Variants in RBMS3 observed in about 807,000 individuals in gnomAD.
The protein encoded by RBMS3 is RNA binding motif single stranded interacting protein 3.
In RBMS3, 27 loss-of-function variants were observed where a neutral mutation model predicts 66.8. The observed-to-expected ratio is 0.40, with a 90% confidence interval of 0.30 to 0.56. The LOEUF (loss-of-function observed/expected upper bound fraction) is 0.56, where lower values mean the gene tolerates loss of function less well. Ranked by LOEUF, RBMS3 falls within the 20% of genes least tolerant of loss-of-function variation. RBMS3 has a pLI of 0.40. For synonymous variants in RBMS3, 188 were observed against 183.0 expected (o/e 1.03, Z -0.22); for missense variants, 513 against 549.5 (o/e 0.93, Z 0.66).
chr3:29,767,249 G>A (rs2055969996), intron 6 of RBMS3: 1 of 151,944 alleles, frequency 6.6e-6, no homozygotes, highest in African/African-American at 2.4e-5. Flanking sequence ...TTGATGAACA[G>A]AACATGCAGG....
At chr3:29,920,002 C>T (rs964497057) in intron 10 of RBMS3, among the ~76,000 whole-genome samples, 1 of 152,086 alleles carries the variant, frequency 6.6e-6, no homozygotes, top group Non-Finnish European at 1.5e-5. Context: ...GCCAGTTGTT[C>T]CCTTATTGAT....
Position 29,500,580 on chromosome 3 carries a change from G to C in RBMS3, c.307+12081G>C, listed in dbSNP as rs1186685938. Among the ~76,000 whole-genome samples the C allele has an allele frequency of 3.3e-5, 5 of 151,984 alleles. No individual in the cohort carries two copies. The South Asian group carries it at 6.2e-4, about 19-fold the overall frequency. On this transcript the variant is annotated intron_variant, in intron 3 of 14. Coordinates refer to ENST00000383767, the MANE Select transcript of RBMS3 (RefSeq NM_001003793.3). ...TTTTACTGTACCTTTTCTATGTTTA[G>C]ATATACAAATACTTATGATTGTGTT...
chr3:29,284,831 C>T (rs1251198529), intron 1 of RBMS3, among the ~76,000 whole-genome samples: 2 of 127,798 alleles, frequency 1.6e-5, no homozygotes, highest in Non-Finnish European at 3.4e-5. Context: ...AAAAAGTTGT[C>T]ATTTGTCAAT....
intron 1 of RBMS3, among the ~76,000 whole-genome samples, chr3:29,430,435 T>G (rs1225325191): frequency 6.6e-6 from 1 of 152,234 alleles, no homozygotes; most frequent in Non-Finnish European, 1.5e-5. Flanking sequence ...CTCCTAATTA[T>G]AAATTACATA....
At chr3:29,751,060 A>T (rs1306403108) in intron 5 of RBMS3, among the ~76,000 whole-genome samples, 1 of 152,112 alleles carries the variant, frequency 6.6e-6, no homozygotes, top group Non-Finnish European at 1.5e-5. Context: ...AGAAAGCAAA[A>T]TTTTTTATTA....
chr3:29,593,700 C>T (rs1272325071), intron 4 of RBMS3, among the ~76,000 whole-genome samples: 1 of 152,188 alleles, frequency 6.6e-6, no homozygotes, highest in Non-Finnish European at 1.5e-5. Flanking sequence ...GGGCTGTAGG[C>T]TCAAACTGAA....
Position 29,747,390 on chromosome 3 carries a change from GTAGATAGATAGATAGATAGA to G in RBMS3, c.557+7555_557+7574del, listed in dbSNP as rs56736478. Among the ~76,000 whole-genome samples the G allele has an allele frequency of 9.9e-3, 1,397 of 141,262 alleles. 10 individuals carry two copies. Among genetic ancestry groups the G allele is most frequent in the Non-Finnish European group, 0.013 (881 of 65,358 alleles). The allele number at this position is 141,262 out of a possible 152,430, so 92.7% of individuals were successfully genotyped here. A position where few individuals can be genotyped will look rare whatever the true frequency, so the allele number is the denominator to read the frequency against. On this transcript the variant is annotated intron_variant, in intron 5 of 14. Coordinates refer to ENST00000383767, the MANE Select transcript of RBMS3 (RefSeq NM_001003793.3). ...TCTATCTATCTAGGTAGGTAGGTAG[GTAGATAGATAGATAGATAGA>G]TAGATAGATAGATAGATAGATAGAT...
intron 3 of RBMS3, among the ~76,000 whole-genome samples, chr3:29,576,878 A>G (rs12633199): frequency 0.063 from 9,557 of 152,204 alleles, 323 homozygotes; most frequent in South Asian, 0.14. Context: ...CTTCTGAGAA[A>G]TTGGATCTCC....
intron 4 of RBMS3, among the ~76,000 whole-genome samples, chr3:29,649,621 T>G (rs144059481): frequency 0.012 from 1,883 of 152,266 alleles, 22 homozygotes; most frequent in Middle Eastern, 0.034. Flanking sequence ...TCTAGGCAGC[T>G]GCAAAGTACC....
chr3:29,916,698 T>C (rs888509284), intron 10 of RBMS3, among the ~76,000 whole-genome samples: 1 of 149,032 alleles, frequency 6.7e-6, no homozygotes, highest in African/African-American at 2.4e-5. Context: ...CAGAAAAATA[T>C]ATGTTATAAG....
intron 3 of RBMS3, chr3:29,537,504 C>T (rs1214168921): frequency 6.6e-6 from 1 of 152,106 alleles, no homozygotes; most frequent in East Asian, 1.9e-4. Context: ...GCCATTGTCA[C>T]AGGAACCAAT....
chr3:29,947,460 G>A (rs1559828036), intron 12 of RBMS3, among the ~76,000 whole-genome samples: 2 of 151,538 alleles, frequency 1.3e-5, no homozygotes, highest in African/African-American at 2.4e-5. Context: ...AAGAGTTAAA[G>A]CAGAAATGGT....
chr3:29,324,616 C>T (rs549080786), intron 1 of RBMS3, among the ~76,000 whole-genome samples: 12 of 147,198 alleles, frequency 8.2e-5, no homozygotes, highest in South Asian at 6.2e-4. Flanking sequence ...TTATGCTCTC[C>T]CAGCATTGTA....
intron 10 of RBMS3, among the ~76,000 whole-genome samples, chr3:29,931,628 T>C (rs188497082): frequency 1.0e-3 from 88 of 87,346 alleles, no homozygotes; most frequent in Non-Finnish European, 1.9e-3. Flanking sequence ...CCCTGAACCC[T>C]CATCAAAACA....
intron 3 of RBMS3, among the ~76,000 whole-genome samples, chr3:29,527,982 T>A (rs1016559494): frequency 2.0e-5 from 3 of 151,982 alleles, no homozygotes; most frequent in African/African-American, 7.2e-5. Context: ...AAATTCTTAG[T>A]GTATTTTTTT....
chr3:29,468,217 A>C (rs1052931642), intron 2 of RBMS3, among the ~76,000 whole-genome samples: 12 of 152,268 alleles, frequency 7.9e-5, no homozygotes, highest in Middle Eastern at 3.4e-3. Context: ...CTACATGCTG[A>C]AATTGTTGAT....
intron 3 of RBMS3, among the ~76,000 whole-genome samples, chr3:29,496,939 A>C (rs985428524): frequency 6.6e-6 from 1 of 152,210 alleles, no homozygotes; most frequent in Non-Finnish European, 1.5e-5. Context: ...ACTTGTGTTC[A>C]ATAGCCTTTA....
chr3:29,625,655 G>A (rs910662783), intron 4 of RBMS3, among the ~76,000 whole-genome samples: 19 of 151,610 alleles, frequency 1.3e-4, no homozygotes, highest in African/African-American at 3.4e-4. Flanking sequence ...CTGAGATTGC[G>A]CCATTGCACT....
At chr3:29,960,000 T>A (rs1696317656) in intron 12 of RBMS3, among the ~76,000 whole-genome samples, 1 of 152,052 alleles carries the variant, frequency 6.6e-6, no homozygotes, top group East Asian at 1.9e-4. Context: ...TCCTTACCTT[T>A]CAAAACACAA....
Sources: allele counts gnomAD v4.1 joint callset (sites outside exome capture counted in the v4.1 genomes callset), GRCh38; gene constraint gnomAD v4.1.1; transcripts MANE v1.5; gene names NCBI Gene and HGNC (gene_info 2026-07-23, HGNC 2026-07-21).